Variants in ARHGEF7 observed in about 807,000 individuals in gnomAD.
ARHGEF7 encodes the protein PAK-interacting exchange factor beta.
Under a neutral mutation model 109.8 loss-of-function variants are expected in ARHGEF7, and 33 were observed. The observed-to-expected ratio is 0.30, with a 90% confidence interval of 0.23 to 0.40. The LOEUF (loss-of-function observed/expected upper bound fraction) is 0.40, where lower values mean the gene tolerates loss of function less well. Among genes scored for constraint, ARHGEF7 ranks in the 10% least tolerant of loss-of-function variants. The pLI, the probability that ARHGEF7 is intolerant of heterozygous loss-of-function variation, is 1.00. For synonymous variants in ARHGEF7, 458 were observed against 424.6 expected, an observed-to-expected ratio of 1.08 and a Z score of -0.97; for missense variants, 938 against 1,098.5, an observed-to-expected ratio of 0.85 and a Z score of 2.07.
At chr13:111,198,570 G>A (rs1261935016) in intron 2 of ARHGEF7, among the ~76,000 whole-genome samples, 1 of 152,064 alleles carries the variant, frequency 6.6e-6, no homozygotes, top group Non-Finnish European at 1.5e-5. Flanking sequence ...GCTCTTAAAG[G>A]TGGTGTGTCC....
intron 19 of ARHGEF7, among the ~76,000 whole-genome samples, chr13:111,296,858 C>T (rs2093438722): frequency 6.6e-6 from 1 of 152,188 alleles, no homozygotes; most frequent in African/African-American, 2.4e-5. Context: ...TGTGGAACCC[C>T]TCTCATCTCC....
chr13:111,299,319 A>G (rs2093501848), intron 19 of ARHGEF7, among the ~76,000 whole-genome samples: 1 of 150,546 alleles, frequency 6.6e-6, no homozygotes, highest in Non-Finnish European at 1.5e-5. Flanking sequence ...GTGCAGTAAA[A>G]TGCTGGTGAA....
rs918730123 is a variant in ARHGEF7 at position 111,303,419 on chromosome 13, A to G, written c.*306A>G. ...AAAAGTCTTGTTTTTCCAGACTTTGAATTGAATATATAAATATTATATATA... is the reference window on the plus strand; with the variant it reads ...AAAAGTCTTGTTTTTCCAGACTTTGGATTGAATATATAAATATTATATATA... On this transcript the variant is annotated 3_prime_UTR_variant, in exon 22 of 22. Transcript: ENST00000646102. 6 of 193,534 alleles carry G rather than the reference A, an allele frequency of 3.1e-5. No individual in the cohort carries two copies. Among genetic ancestry groups the G allele is most frequent in the Non-Finnish European group, 5.3e-5 (5 of 94,254 alleles). 12.0% of individuals were successfully genotyped at this position (193,534 alleles called of 1,614,324 possible).
At chr13:111,161,467 T>G (rs1329802092) in intron 2 of ARHGEF7, among the ~76,000 whole-genome samples, 2 of 152,208 alleles carry the variant, frequency 1.3e-5, no homozygotes, top group East Asian at 3.8e-4. Context: ...GCTTGCCCTT[T>G]GTGTCTGTCG....
At chr13:111,211,628 C>G (rs2082508480) in intron 4 of ARHGEF7, among the ~76,000 whole-genome samples, 1 of 152,148 alleles carries the variant, frequency 6.6e-6, no homozygotes, top group Admixed American at 6.5e-5. Context: ...GCTGCTTTCT[C>G]TTTGATGGAA....
chr13:111,287,634 G>T (rs1156997818), intron 17 of ARHGEF7, among the ~76,000 whole-genome samples: 2 of 152,250 alleles, frequency 1.3e-5, no homozygotes, highest in Non-Finnish European at 2.9e-5. Flanking sequence ...CATTTGAGCA[G>T]CCTCCTGGGG....
intron 2 of ARHGEF7, chr13:111,186,734 CTT>C (rs1403736498): frequency 1.3e-6 from 1 of 799,994 alleles, no homozygotes; most frequent in African/African-American, 1.9e-5. Flanking sequence ...TCAAGAATAA[CTT>C]TCTCAAGTTC....
chr13:111,236,234 A>AT (rs1418417947), intron 6 of ARHGEF7, among the ~76,000 whole-genome samples: 1 of 152,170 alleles, frequency 6.6e-6, no homozygotes, highest in Non-Finnish European at 1.5e-5. Flanking sequence ...CTGTCCTTTA[A>AT]TTTTTTAAAC....
intron 1 of ARHGEF7, among the ~76,000 whole-genome samples, chr13:111,117,070 T>G (rs2153304538): frequency 6.6e-6 from 1 of 152,330 alleles, no homozygotes; most frequent in South Asian, 2.1e-4. Flanking sequence ...GTACCTCTGG[T>G]AATGAAAGAC....
chr13:111,217,427 A>G (rs867777033), intron 4 of ARHGEF7, among the ~76,000 whole-genome samples: 2 of 152,182 alleles, frequency 1.3e-5, no homozygotes, highest in African/African-American at 4.8e-5. Flanking sequence ...TCTCTGTCAC[A>G]TGGATGTGTC....
intron 4 of ARHGEF7, among the ~76,000 whole-genome samples, chr13:111,214,037 A>G (rs1169434748): frequency 2.0e-5 from 3 of 152,192 alleles, no homozygotes; most frequent in African/African-American, 7.2e-5. Flanking sequence ...GAATGGAGGT[A>G]TGTTGCGACG....
At position 111,201,523 on chromosome 13, in the gene ARHGEF7, G is replaced by A. The variant is rs545554339; in HGVS notation, c.253-3766G>A. On this transcript the variant is annotated intron_variant, in intron 2 of 21. Transcript: ENST00000646102. ...AGATGATTCTTCTCTCTGTTCAGTG[G>A]GCTTTTTCTTGTGGTTATTTTGCAT... 2.0e-5 allele frequency among the ~76,000 whole-genome samples: 3 copies of A among 152,270 alleles called. No individual in the cohort carries two copies. The South Asian group carries it at 6.2e-4, about 32-fold the overall frequency.
rs187225106 is a variant in ARHGEF7 at position 111,239,116 on chromosome 13, C to T, written c.760-4756C>T. Among the ~76,000 whole-genome samples the T allele has an allele frequency of 9.2e-5, 14 of 152,186 alleles. No individual in the cohort carries two copies. Among genetic ancestry groups the T allele is most frequent in the Admixed American group, 2.0e-4 (3 of 15,290 alleles). ...GAGAACAGCATAGGGGAACGCGCTG[C>T]GTGCCCCTGCTCCCCCACACCCCCG... On this transcript the variant is annotated intron_variant, in intron 6 of 21. Coordinates refer to ENST00000646102, the MANE Select transcript of ARHGEF7 (RefSeq NM_001354046.2). The surrounding 1 kb of genome is among the most constrained non-coding windows in gnomAD (Gnocchi z 4.3).
intron 5 of ARHGEF7, among the ~76,000 whole-genome samples, chr13:111,230,700 C>G (rs903361609): frequency 2.0e-5 from 3 of 152,074 alleles, no homozygotes; most frequent in Admixed American, 1.3e-4. Context: ...AGCAAGGGCA[C>G]GTTGTGGGTG....
chr13:111,139,980 C>T (rs1278804940), intron 1 of ARHGEF7, among the ~76,000 whole-genome samples: 1 of 152,232 alleles, frequency 6.6e-6, no homozygotes, highest in Non-Finnish European at 1.5e-5. Context: ...GATCATATTT[C>T]CAGGTCTTTT....
At chr13:111,262,732 GA>G (rs1229415572) in intron 8 of ARHGEF7, among the ~76,000 whole-genome samples, 1 of 151,890 alleles carries the variant, frequency 6.6e-6, no homozygotes, top group East Asian at 1.9e-4. Flanking sequence ...TCTGGGTAAG[GA>G]AAAAAAACCC....
At chr13:111,124,293 G>C (rs371101147) in intron 1 of ARHGEF7, among the ~76,000 whole-genome samples, 20 of 152,192 alleles carry the variant, frequency 1.3e-4, no homozygotes, top group African/African-American at 3.9e-4. Flanking sequence ...CCCTCAAAAT[G>C]ACCAGGAAGT....
chr13:111,205,018 G>A (rs1201678470), intron 2 of ARHGEF7, among the ~76,000 whole-genome samples: 4 of 144,130 alleles, frequency 2.8e-5, no homozygotes, highest in South Asian at 2.4e-4. Flanking sequence ...CCCCGCCCCC[G>A]TGAATGAGCT....
chr13:111,155,974 A>C (rs1404023279), intron 2 of ARHGEF7, among the ~76,000 whole-genome samples: 1 of 151,566 alleles, frequency 6.6e-6, no homozygotes, highest in Non-Finnish European at 1.5e-5. Flanking sequence ...AGTTCCAGTT[A>C]CTCAGGTGGC....
Sources: allele counts gnomAD v4.1 joint callset (sites outside exome capture counted in the v4.1 genomes callset), GRCh38; gene constraint gnomAD v4.1.1; non-coding constraint Gnocchi (gnomAD v3.1); transcripts MANE v1.5; gene names NCBI Gene and HGNC (gene_info 2026-07-23, HGNC 2026-07-21).